SERPINB12: variants seen among roughly 807,000 people sequenced by gnomAD.
SERPINB12 encodes the protein serpin B12.
Under a neutral mutation model 41.1 loss-of-function variants are expected in SERPINB12, and 57 were observed. The observed-to-expected ratio is 1.39, with a 90% CI of 1.12 to 1.73. The LOEUF (loss-of-function observed/expected upper bound fraction) is 1.73. SERPINB12 is among the 40% of genes most tolerant of loss of function. The pLI, the probability that SERPINB12 is intolerant of heterozygous loss-of-function variation, is 0.00. For missense variants in SERPINB12, 536 were observed against 501.9 expected (o/e 1.07, Z -0.65); for synonymous variants, 180 against 181.3 (o/e 0.99, Z 0.06).
the SERPINB12 span, among the ~76,000 whole-genome samples, chr18:63,525,284 G>C: frequency 6.6e-6 from 1 of 151,824 alleles, no homozygotes; most frequent in East Asian, 1.9e-4. Context: ...ATACATCTTA[G>C]CTTTCTGGTA....
At chr18:63,523,433 T>A in the SERPINB12 span, among the ~76,000 whole-genome samples, 10 of 152,170 alleles carry the variant, frequency 6.6e-5, no homozygotes, top group Admixed American at 6.5e-4. Context: ...CTTCCGCATA[T>A]GGGAAGCTTG....
intron 6 of SERPINB12, 83 bp from the exon 7 acceptor site, chr18:63,565,362 C>G: frequency 7.7e-7 from 1 of 1,300,528 alleles, no homozygotes; most frequent in Admixed American, 2.1e-5. Context: ...CTTTAGGAAC[C>G]CCTGTCCTCC....
At chr18:63,559,009 T>TCTTG (rs1910784243) in intron 3 of SERPINB12, among the ~76,000 whole-genome samples, 1 of 54,862 alleles carries the variant, frequency 1.8e-5, no homozygotes, top group African/African-American at 5.0e-5. Context: ...CTTCCTTCTT[T>TCTTG]CTTTCTTTCT....
rs1273583397 is a variant in SERPINB12, at chr18:63,559,792, C to T, written c.444+74C>T. ...TAAAAATCAGGGAGTAGCTGGGTTA[C>T]TCACCTGCCATCTAGAACACAAACC... On this transcript the variant is annotated intron_variant, in intron 4 of 7. Transcript: ENST00000382768. The T allele has an allele frequency of 2.7e-6, 4 of 1,497,568 alleles. No individual in the cohort carries two copies. In the East Asian group the frequency reaches 9.1e-5, roughly 34 times the overall value. 92.8% of individuals were successfully genotyped at this position (1,497,568 alleles called of 1,614,324 possible).
At chr18:63,523,818 A>G in the SERPINB12 span, among the ~76,000 whole-genome samples, 2 of 152,224 alleles carry the variant, frequency 1.3e-5, no homozygotes, top group African/African-American at 2.4e-5. Context: ...ATCCCAGCCA[A>G]GCAAAAAGCG....
chr18:63,559,058 C>CTTTCTTTCTTTCTTTTTCTT (rs778900558), intron 3 of SERPINB12, among the ~76,000 whole-genome samples: 1 of 107,402 alleles, frequency 9.3e-6, no homozygotes, highest in African/African-American at 3.2e-5. Flanking sequence ...TTCTTTCTTT[C>CTTTCTTTCTTTCTTTTTCTT]TCTCCTTCTT....
chr18:63,545,518 G>A (rs1910367764), intron 1 of SERPINB12, among the ~76,000 whole-genome samples: 1 of 152,092 alleles, frequency 6.6e-6, no homozygotes, highest in African/African-American at 2.4e-5. Context: ...AAATTTTTAG[G>A]CTTGTAGGGC....
intron 1 of SERPINB12, among the ~76,000 whole-genome samples, chr18:63,547,746 G>A (rs1272813671): frequency 6.6e-6 from 1 of 151,680 alleles, no homozygotes; most frequent in East Asian, 1.9e-4. Context: ...TTTTTATATT[G>A]CAGTAAGTGA....
rs1451437238 is a variant in SERPINB12 at position 63,561,307 on chromosome 18, C to T, written c.562+105C>T. 5.9e-6 allele frequency: 4 copies of T among 674,412 alleles called. No homozygotes were observed. In the Admixed American group the frequency reaches 9.8e-5, roughly 17 times the overall value. The allele number at this position is 674,412 out of a possible 1,614,324, so 41.8% of individuals were successfully genotyped here. ...TGGTCTACTGGGGGCCAGAGGTTCA[C>T]ATATGTGGACTGTGTTCAAAGCATG... On this transcript the variant is annotated intron_variant, in intron 5 of 7. Transcript: ENST00000382768.
chr18:63,556,395 T>C (rs1910680587), intron 2 of SERPINB12, 68 bp downstream of exon 2: 1 of 1,489,836 alleles, frequency 6.7e-7, no homozygotes, highest in Non-Finnish European at 9.1e-7. Flanking sequence ...CAGACCCTAA[T>C]CCCACTTAGG....
chr18:63,563,509 C>A (rs528709942), intron 5 of SERPINB12, among the ~76,000 whole-genome samples: 1 of 152,304 alleles, frequency 6.6e-6, no homozygotes, highest in East Asian at 1.9e-4. Context: ...CCCATCACCC[C>A]CTCGCTTACC....
chr18:63,559,435 C>T lies in SERPINB12; in HGVS notation c.304-143C>T, dbSNP rs1200689064. Reference sequence around the variant, plus strand: ...CCATTCCTCTGTTCTTCCCAGCTCACTTCCCCCAGCATGGTAACAGAGACA... The same window carrying T: ...CCATTCCTCTGTTCTTCCCAGCTCATTTCCCCCAGCATGGTAACAGAGACA... On this transcript the variant is annotated intron_variant, in intron 3 of 7. Transcript: ENST00000382768. The T allele has an allele frequency of 1.0e-5, 8 of 770,502 alleles. No individual in the cohort carries two copies. The South Asian group carries it at 1.5e-4, about 14-fold the overall frequency. 47.7% of individuals were successfully genotyped at this position (770,502 alleles called of 1,614,324 possible).
At chr18:63,563,461 AC>A (rs927237948) in intron 5 of SERPINB12, among the ~76,000 whole-genome samples, 2 of 151,526 alleles carry the variant, frequency 1.3e-5, no homozygotes, top group Non-Finnish European at 2.9e-5. Context: ...CTGTGATTGG[AC>A]CCCCTGCGAG....
In SERPINB12 at chr18:63,567,318, G is replaced by C. The variant is rs1911145352; in HGVS notation, c.*307G>C. Among the ~76,000 whole-genome samples, 1 of 152,166 alleles carries C rather than the reference G, an allele frequency of 6.6e-6. No homozygotes were observed. The highest frequency in any genetic ancestry group is 2.4e-5 in the African/African-American group (1 of 41,432). Reference sequence around the variant, plus strand: ...CTTTTGAAGGAATCCTAAAAGTTCAGGTCATTAGACCATTTCTAAGAGATG... The same window carrying C: ...CTTTTGAAGGAATCCTAAAAGTTCACGTCATTAGACCATTTCTAAGAGATG... On this transcript the variant is annotated 3_prime_UTR_variant, in exon 8 of 8. Coordinates refer to ENST00000382768, the MANE Select transcript of SERPINB12 (RefSeq NM_001307928.2).
the SERPINB12 span, among the ~76,000 whole-genome samples, chr18:63,524,411 T>C: frequency 1.3e-5 from 2 of 151,410 alleles, no homozygotes; most frequent in African/African-American, 4.9e-5. Flanking sequence ...TGCCTCAGCC[T>C]CCTGAGTAGC....
chr18:63,559,020 T>C (rs141563171), intron 3 of SERPINB12, among the ~76,000 whole-genome samples: 11 of 62,096 alleles, frequency 1.8e-4, no homozygotes, highest in African/African-American at 4.3e-4. Context: ...CTTTCTTTCT[T>C]TCTTTCTTTC....
chr18:63,519,967 G>C, the SERPINB12 span, among the ~76,000 whole-genome samples: 2 of 152,134 alleles, frequency 1.3e-5, no homozygotes, highest in East Asian at 3.9e-4. Context: ...TGGATGCCCT[G>C]TCTTGGTGCC....
chr18:63,533,938 T>C, the SERPINB12 span, among the ~76,000 whole-genome samples: 2 of 152,186 alleles, frequency 1.3e-5, no homozygotes, highest in African/African-American at 4.8e-5. Flanking sequence ...GGGAATAGGT[T>C]GAATTCTTCA....
the SERPINB12 span, among the ~76,000 whole-genome samples, chr18:63,524,374 C>T: frequency 6.6e-6 from 1 of 152,126 alleles, no homozygotes; most frequent in Admixed American, 6.6e-5. Context: ...ACTGCAACCT[C>T]TGCCTCCTGG....
Sources: allele counts gnomAD v4.1 joint callset (sites outside exome capture counted in the v4.1 genomes callset), GRCh38; gene constraint gnomAD v4.1.1; transcripts MANE v1.5; gene names NCBI Gene and HGNC (gene_info 2026-07-23, HGNC 2026-07-21).